AOPEP: variants seen among roughly 807,000 people sequenced by gnomAD.
The protein encoded by AOPEP is aminopeptidase O.
Under a neutral mutation model 98.1 loss-of-function variants are expected in AOPEP, and 77 were observed. The observed-to-expected ratio is 0.78, with a 90% CI of 0.65 to 0.95. The LOEUF is 0.95. AOPEP is among the 40% of genes least tolerant of loss of function. The probability of loss-of-function intolerance (pLI) is 0.00; values close to 1 mark genes in which losing one functional copy is unlikely to be tolerated. For synonymous variants in AOPEP, 346 were observed against 365.3 expected (o/e 0.95, Z 0.60); for missense variants, 1,024 against 1,024.7 (o/e 1.00, Z 0.01).
chr9:95,117,982 A>T, the AOPEP span, among the ~76,000 whole-genome samples: 2 of 151,870 alleles, frequency 1.3e-5, no homozygotes, highest in Non-Finnish European at 2.9e-5. Context: ...TCGGCCTCCC[A>T]AAGTACTGGG....
chr9:94,783,428 G>A lies in AOPEP; in HGVS notation c.965-9337G>A, dbSNP rs562426970. On this transcript the variant is annotated intron_variant, in intron 3 of 16. Transcript: ENST00000375315. ...GGTGCCCAGGGCGTCTTACTGTCTC[G>A]TTTGTTCTGGTGCCAGTTACAACCC... Among the ~76,000 whole-genome samples, 5 of 152,342 alleles carry A rather than the reference G, an allele frequency of 3.3e-5. No homozygotes were observed. In the East Asian group the frequency reaches 5.8e-4, roughly 18 times the overall value.
At chr9:94,816,730 C>A (rs569453266) in intron 5 of AOPEP, among the ~76,000 whole-genome samples, 1 of 152,100 alleles carries the variant, frequency 6.6e-6, no homozygotes, top group South Asian at 2.1e-4. Flanking sequence ...GAGTGCTAGA[C>A]CTAGGTCTGG....
chr9:94,754,863 G>A (rs1269862012), intron 1 of AOPEP, among the ~76,000 whole-genome samples: 7 of 152,174 alleles, frequency 4.6e-5, no homozygotes, highest in African/African-American at 1.2e-4. Flanking sequence ...TGGGGATGGC[G>A]TTACAGAGGT....
chr9:94,970,459 T>A (rs944700606), intron 10 of AOPEP, among the ~76,000 whole-genome samples: 3 of 152,174 alleles, frequency 2.0e-5, no homozygotes, highest in African/African-American at 7.2e-5. Context: ...AAGCCAGGCA[T>A]CATAAAGGAT....
intron 9 of AOPEP, among the ~76,000 whole-genome samples, chr9:94,961,851 C>T (rs984091085): frequency 3.3e-5 from 5 of 152,208 alleles, no homozygotes; most frequent in African/African-American, 1.2e-4. Context: ...TGTTAGTTTG[C>T]ATGGTTGCCA....
intron 13 of AOPEP, among the ~76,000 whole-genome samples, chr9:95,056,807 A>G (rs2066865095): frequency 6.6e-6 from 1 of 152,218 alleles, no homozygotes; most frequent in African/African-American, 2.4e-5. Context: ...CAGACTTCTA[A>G]AATCCTTAAC....
chr9:95,096,323 G>T, the AOPEP span, among the ~76,000 whole-genome samples: 3 of 152,280 alleles, frequency 2.0e-5, no homozygotes, highest in Admixed American at 2.0e-4. Context: ...CTGGCTCCCC[G>T]ACGGGCTGGA....
the AOPEP span, among the ~76,000 whole-genome samples, chr9:95,118,120 A>G: frequency 1.3e-5 from 2 of 152,008 alleles, no homozygotes; most frequent in African/African-American, 4.8e-5. Flanking sequence ...CCGGGTCCAA[A>G]TGATTCTCCT....
chr9:95,114,766 G>A, the AOPEP span: 34 of 1,461,634 alleles, frequency 2.3e-5, no homozygotes, highest in Non-Finnish European at 3.2e-5. Flanking sequence ...AAGCCCATGA[G>A]GAACCACCTG....
rs369052867 is a variant in AOPEP, at chr9:94,966,019, T to C, written c.1873-1739T>C. ...CAGTTCACTGGGTGTCATCAGAGTC[T>C]TGTGTAGAGTCTGTATTTGCAGACT... On this transcript the variant is annotated intron_variant, in intron 9 of 16. Transcript: ENST00000375315. Among the ~76,000 whole-genome samples the C allele has an allele frequency of 1.5e-3, 182 of 122,114 alleles. No homozygotes were observed. In the East Asian group the frequency reaches 0.028, roughly 19 times the overall value. 80.1% of individuals were successfully genotyped at this position (122,114 alleles called of 152,430 possible).
chr9:95,051,924 T>C (rs922817609), intron 13 of AOPEP, among the ~76,000 whole-genome samples: 15 of 152,110 alleles, frequency 9.9e-5, no homozygotes, highest in Admixed American at 6.5e-4. Flanking sequence ...AGGATGGTCT[T>C]GATCTCCTGA....
intron 1 of AOPEP, among the ~76,000 whole-genome samples, chr9:94,728,239 G>GCACACACACACA (rs78505500): frequency 0.019 from 2,853 of 146,564 alleles, 27 homozygotes; most frequent in Admixed American, 0.034. Flanking sequence ...GTGCGCGCAT[G>GCACACACACACA]CACACACACA....
chr9:95,014,728 C>A (rs914442265), intron 13 of AOPEP, among the ~76,000 whole-genome samples: 10 of 152,170 alleles, frequency 6.6e-5, no homozygotes, highest in Non-Finnish European at 1.3e-4. Context: ...TTTATCTTCT[C>A]ACACTCTTGC....
the AOPEP span, among the ~76,000 whole-genome samples, chr9:95,122,564 G>C: frequency 2.7e-4 from 41 of 152,300 alleles, no homozygotes; most frequent in African/African-American, 9.6e-4. Context: ...CCTCACACCA[G>C]GACCCAGTGT....
At chr9:95,095,572 G>C in the AOPEP span, among the ~76,000 whole-genome samples, 1 of 152,180 alleles carries the variant, frequency 6.6e-6, no homozygotes, top group African/African-American at 2.4e-5. Flanking sequence ...GTTTGCTTTT[G>C]ATTTCTGTAT....
At chr9:94,914,120 G>C (rs1447651787) in intron 5 of AOPEP, among the ~76,000 whole-genome samples, 1 of 152,210 alleles carries the variant, frequency 6.6e-6, no homozygotes, top group Non-Finnish European at 1.5e-5. Flanking sequence ...GAATGGGTTG[G>C]ATAGAGCATC....
intron 2 of AOPEP, among the ~76,000 whole-genome samples, chr9:94,770,160 T>G (rs550979954): frequency 1.1e-4 from 16 of 152,366 alleles, no homozygotes; most frequent in East Asian, 1.9e-4. Flanking sequence ...CATGTGCTTA[T>G]GTAAAGCCCT....
At chr9:94,934,386 G>A (rs1189616773) in intron 7 of AOPEP, among the ~76,000 whole-genome samples, 2 of 144,786 alleles carry the variant, frequency 1.4e-5, no homozygotes, top group Non-Finnish European at 3.0e-5. Flanking sequence ...GCGCGATTTC[G>A]GCTCACTGCA....
intron 9 of AOPEP, among the ~76,000 whole-genome samples, chr9:94,957,333 G>A (rs1370627176): frequency 3.3e-5 from 5 of 152,118 alleles, no homozygotes; most frequent in Non-Finnish European, 5.9e-5. Context: ...TCAGCCTCCC[G>A]AGTAGCTGGG....
Sources: allele counts gnomAD v4.1 joint callset (sites outside exome capture counted in the v4.1 genomes callset), GRCh38; gene constraint gnomAD v4.1.1; transcripts MANE v1.5; gene names NCBI Gene and HGNC (gene_info 2026-07-23, HGNC 2026-07-21).